Variants in LMLN observed in about 807,000 individuals in gnomAD.
The protein encoded by LMLN is leishmanolysin-like peptidase.
A neutral mutation model predicts 92.3 loss-of-function variants in LMLN; 70 were observed. The ratio of observed to expected loss-of-function variants is 0.76; its 90% CI spans 0.63 to 0.92. The LOEUF is 0.92. LMLN is among the 40% of genes least tolerant of loss of function. The pLI is 0.00. For missense variants in LMLN, 691 were observed against 814.6 expected, an observed-to-expected ratio of 0.85 and a Z score of 1.85; for synonymous variants, 308 against 296.2, an observed-to-expected ratio of 1.04 and a Z score of -0.41.
chr3:198,030,152 T>C (rs1248557020), intron 14 of LMLN, among the ~76,000 whole-genome samples: 2 of 152,238 alleles, frequency 1.3e-5, no homozygotes, highest in African/African-American at 4.8e-5. Flanking sequence ...CCTGCTTTTT[T>C]ATTTTTAAAA....
At chr3:198,036,743 G>C (rs1443030716) in intron 15 of LMLN, among the ~76,000 whole-genome samples, 2 of 152,206 alleles carry the variant, frequency 1.3e-5, no homozygotes, top group Non-Finnish European at 2.9e-5. Flanking sequence ...ATAATGCATT[G>C]CTGAGAGTAT....
At chr3:198,001,359 A>G (rs1290988597) in intron 11 of LMLN, among the ~76,000 whole-genome samples, 39 of 152,220 alleles carry the variant, frequency 2.6e-4, no homozygotes, top group Admixed American at 2.6e-3. Flanking sequence ...AGAAACGGTT[A>G]TCAGGAAGGT....
At chr3:197,963,021 G>A (rs1720948433) in intron 1 of LMLN, among the ~76,000 whole-genome samples, 1 of 151,944 alleles carries the variant, frequency 6.6e-6, no homozygotes, top group South Asian at 2.1e-4. Context: ...AGCCTGATGG[G>A]TTTATGATTG....
intron 1 of LMLN, among the ~76,000 whole-genome samples, chr3:197,968,338 C>G (rs962845686): frequency 1.3e-5 from 2 of 151,828 alleles, no homozygotes; most frequent in Non-Finnish European, 2.9e-5. Flanking sequence ...GGTGTGGTGG[C>G]AGGCACCTGT....
At chr3:197,989,965 C>T (rs1483503020) in intron 8 of LMLN, among the ~76,000 whole-genome samples, 2 of 152,248 alleles carry the variant, frequency 1.3e-5, no homozygotes, top group Non-Finnish European at 2.9e-5. Flanking sequence ...GCCTTGAACT[C>T]CTGGGCTCAA....
At chr3:198,022,791 G>A (rs960141034) in intron 13 of LMLN, among the ~76,000 whole-genome samples, 2 of 152,268 alleles carry the variant, frequency 1.3e-5, no homozygotes, top group South Asian at 2.1e-4. Context: ...CCCAGGAGGC[G>A]GAGTTTGCAG....
At chr3:197,999,153 C>A (rs1722104005) in intron 10 of LMLN, 113 bp from the exon 11 acceptor site, 1 of 741,880 alleles carries the variant, frequency 1.3e-6, no homozygotes, top group South Asian at 1.6e-5. Context: ...AAGTGAATGT[C>A]TTGTCAGCCT....
intron 11 of LMLN, among the ~76,000 whole-genome samples, chr3:198,010,003 TC>T (rs766666224): frequency 1.2e-4 from 18 of 152,320 alleles, no homozygotes; most frequent in Admixed American, 3.3e-4. Context: ...TTTATCTTTT[TC>T]TAGAGGTTTG....
chr3:198,030,281 G>A (rs1723044155), intron 14 of LMLN, among the ~76,000 whole-genome samples: 3 of 152,000 alleles, frequency 2.0e-5, no homozygotes, highest in Non-Finnish European at 2.9e-5. Flanking sequence ...TTTCCCCATC[G>A]TACACTTCTT....
rs184465522 is a variant in LMLN, at chr3:197,987,135, C to T, written c.929+1245C>T. 8.8e-4 allele frequency among the ~76,000 whole-genome samples: 130 copies of T among 147,818 alleles called. 1 individual carries two copies. Among genetic ancestry groups the T allele is most frequent in the Middle Eastern group, 3.9e-3 (1 of 258 alleles). ...GATTACAGGCATGAGCCACCGCACC[C>T]GGCCTATGTTTAATATGTTTGAATT... On this transcript the variant is annotated intron_variant, in intron 8 of 15. Transcript: ENST00000330198.
intron 5 of LMLN, among the ~76,000 whole-genome samples, chr3:197,977,057 T>C (rs952238466): frequency 6.6e-6 from 1 of 152,208 alleles, no homozygotes; most frequent in African/African-American, 2.4e-5. Flanking sequence ...ATAAAAAATA[T>C]GTATGCCTCA....
chr3:197,963,837 C>T (rs1337310088), intron 1 of LMLN, among the ~76,000 whole-genome samples: 1 of 152,194 alleles, frequency 6.6e-6, no homozygotes, highest in Non-Finnish European at 1.5e-5. Context: ...TGAGATAGCA[C>T]GCCTCCTTGC....
chr3:197,966,350 C>T (rs1232339406), intron 1 of LMLN, among the ~76,000 whole-genome samples: 1 of 152,084 alleles, frequency 6.6e-6, no homozygotes, highest in African/African-American at 2.4e-5. Context: ...CCTATTACAT[C>T]TTTAATGTTA....
chr3:198,021,299 T>C, intron 12 of LMLN, 147 bp from the exon 14 acceptor site: 1 of 670,624 alleles, frequency 1.5e-6, no homozygotes, highest in South Asian at 1.9e-5. Context: ...ATTACTGTGT[T>C]CTTTATTTGG....
rs896057977 is a variant in LMLN at position 198,042,379 on chromosome 3, ACTTT to A, written c.*3716_*3719del. The A allele has an allele frequency of 6.6e-6, 1 of 151,038 alleles. No individual in the cohort carries two copies. Among genetic ancestry groups the A allele is most frequent in the Non-Finnish European group, 1.5e-5 (1 of 68,018 alleles). The allele number at this position is 151,038 out of a possible 1,614,324, so 9.4% of individuals were successfully genotyped here. On this transcript the variant is annotated 3_prime_UTR_variant, in exon 16 of 16. Coordinates refer to ENST00000330198, the Ensembl canonical transcript of LMLN. The surrounding 1 kb of genome is among the most constrained non-coding windows in gnomAD (Gnocchi z 4.2). ...ACTGCAGCCTGGATGACAGAGTGAG[ACTTT>A]CTTGGGAAAAAAAAAAATGACAGTG...
At chr3:198,023,180 TTTA>T (rs60913650) in intron 13 of LMLN, among the ~76,000 whole-genome samples, 1 of 150,304 alleles carries the variant, frequency 6.7e-6, no homozygotes, top group Non-Finnish European at 1.5e-5. Flanking sequence ...TGAATTCTGT[TTTA>T]TTATTATTAT....
chr3:197,990,525 C>A, intron 8 of LMLN, 34 bp from the exon 9 acceptor site: 1 of 883,116 alleles, frequency 1.1e-6, no homozygotes, highest in Non-Finnish European at 1.8e-6. Flanking sequence ...GGTGAATTTT[C>A]AGTAATAATT....
chr3:197,989,233 T>G (rs1288325138), intron 8 of LMLN, among the ~76,000 whole-genome samples: 1 of 152,196 alleles, frequency 6.6e-6, no homozygotes, highest in African/African-American at 2.4e-5. Flanking sequence ...TCTACGGAGA[T>G]TCATCAATTT....
In LMLN at chr3:198,042,112, C is replaced by T. The variant is rs942075016; in HGVS notation, c.*3445C>T. 2.6e-5 allele frequency: 4 copies of T among 152,046 alleles called. No homozygotes were observed. Among genetic ancestry groups the T allele is most frequent in the Non-Finnish European group, 5.9e-5 (4 of 68,022 alleles). 9.4% of individuals were successfully genotyped at this position (152,046 alleles called of 1,614,324 possible). On this transcript the variant is annotated 3_prime_UTR_variant, in exon 16 of 16. Coordinates refer to ENST00000330198, the Ensembl canonical transcript of LMLN. The surrounding 1 kb of genome is among the most constrained non-coding windows in gnomAD (Gnocchi z 4.2). ...TCAGGGTAACTGTGTTGATGTCTCC[C>T]GTCCTCTTCAGTAAGGCTTGAATAT...
Sources: allele counts gnomAD v4.1 joint callset (sites outside exome capture counted in the v4.1 genomes callset), GRCh38; gene constraint gnomAD v4.1.1; non-coding constraint Gnocchi (gnomAD v3.1); transcripts MANE v1.5; gene names NCBI Gene and HGNC (gene_info 2026-07-23, HGNC 2026-07-21).